Variants in IMMP2L observed in about 807,000 individuals in gnomAD.
IMMP2L encodes inner mitochondrial membrane peptidase subunit 2.
Under a neutral mutation model 19.3 loss-of-function variants are expected in IMMP2L, and 18 were observed. That is an observed-to-expected ratio of 0.93 (90% CI 0.64 to 1.38). The LOEUF (loss-of-function observed/expected upper bound fraction) is 1.38, where lower values mean the gene tolerates loss of function less well. IMMP2L is among the 40% of genes most tolerant of loss of function. The pLI is 0.00. For missense variants in IMMP2L, 233 were observed against 218.2 expected (o/e 1.07, Z -0.43); for synonymous variants, 76 against 73.0 (o/e 1.04, Z -0.21).
rs10278402 is a variant in IMMP2L at position 110,920,051 on chromosome 7, A to G, written c.306-33356T>C. Among the ~76,000 whole-genome samples, 1,490 of 152,222 alleles carry G rather than the reference A, an allele frequency of 9.8e-3. 21 individuals are homozygous for G. Among genetic ancestry groups the G allele is most frequent in the African/African-American group, 0.033 (1,377 of 41,532 alleles). On this transcript the variant is annotated intron_variant, in intron 4 of 5. Coordinates refer to ENST00000405709, the MANE Select transcript of IMMP2L (RefSeq NM_032549.4). ...TCAGCTCTTGGACTCTTGGACTTAC[A>G]TCAGTGATTTGCCAGGGGCTCTTGG...
chr7:111,271,889 G>A (rs1818511115), intron 3 of IMMP2L, among the ~76,000 whole-genome samples: 1 of 152,006 alleles, frequency 6.6e-6, no homozygotes, highest in South Asian at 2.1e-4. Context: ...TCTCTCTCTG[G>A]TCACATTCTA....
intron 3 of IMMP2L, among the ~76,000 whole-genome samples, chr7:111,322,137 A>C (rs1212662926): frequency 6.6e-6 from 1 of 151,954 alleles, no homozygotes; most frequent in African/African-American, 2.4e-5. Context: ...GTAAGATAAC[A>C]GCTTTGAATT....
At chr7:111,162,500 T>G (rs919272003) in intron 3 of IMMP2L, among the ~76,000 whole-genome samples, 2 of 152,066 alleles carry the variant, frequency 1.3e-5, no homozygotes, top group Admixed American at 1.3e-4. Context: ...ACTACAGTCA[T>G]CAAATGTAGT....
At chr7:111,066,504 A>G (rs1794515358) in intron 3 of IMMP2L, among the ~76,000 whole-genome samples, 1 of 152,216 alleles carries the variant, frequency 6.6e-6, no homozygotes, top group Non-Finnish European at 1.5e-5. Context: ...TCAGAAGATA[A>G]CGTTTAAAAT....
chr7:111,304,931 G>A (rs918274339), intron 3 of IMMP2L, among the ~76,000 whole-genome samples: 1 of 151,876 alleles, frequency 6.6e-6, no homozygotes, highest in Non-Finnish European at 1.5e-5. Context: ...GGAAAGTCTC[G>A]GAAATAAGAA....
At chr7:110,881,706 G>A (rs1463508924) in intron 5 of IMMP2L, among the ~76,000 whole-genome samples, 3 of 152,008 alleles carry the variant, frequency 2.0e-5, no homozygotes, top group Admixed American at 6.6e-5. Flanking sequence ...GCTACAATTC[G>A]ACAATAAAAA....
At chr7:111,037,951 G>C (rs1435059438) in intron 3 of IMMP2L, among the ~76,000 whole-genome samples, 1 of 152,068 alleles carries the variant, frequency 6.6e-6, no homozygotes, top group Non-Finnish European at 1.5e-5. Flanking sequence ...ATATCTTAAA[G>C]TTCTCATCCT....
rs114143109 is a variant in IMMP2L at position 110,862,000 on chromosome 7, A to G, written c.408+24593T>C. Among the ~76,000 whole-genome samples, 739 of 152,206 alleles carry G rather than the reference A, an allele frequency of 4.9e-3. 8 individuals carry two copies. The highest frequency in any genetic ancestry group is 0.017 in the African/African-American group (703 of 41,576). On this transcript the variant is annotated intron_variant, in intron 5 of 5. Transcript: ENST00000405709. ...GACCTGCATGGTTTATTTATAAAAT[A>G]TATATTTTAAGTGACTAATATGTAC...
At position 111,524,575 on chromosome 7, in the gene IMMP2L, T is replaced by C. The variant is rs552628604; in HGVS notation, c.-2-3126A>G. ...GACTCAGACCTCCAAAATCAAACAC[T>C]TCAGGTGATTCCCTTAATAGAGCAA... On this transcript the variant is annotated intron_variant, in intron 1 of 5. Coordinates refer to ENST00000405709, the MANE Select transcript of IMMP2L (RefSeq NM_032549.4). Among the ~76,000 whole-genome samples the C allele has an allele frequency of 3.2e-4, 49 of 152,216 alleles. No homozygotes were observed. In the South Asian group the frequency reaches 7.9e-3, roughly 25 times the overall value.
Position 111,103,256 on chromosome 7 carries a change from C to T in IMMP2L, c.240-139691G>A, listed in dbSNP as rs142622646. 9.2e-4 allele frequency among the ~76,000 whole-genome samples: 139 copies of T among 151,678 alleles called. 2 individuals are homozygous for T. In the East Asian group the frequency reaches 0.021, roughly 23 times the overall value. On this transcript the variant is annotated intron_variant, in intron 3 of 5. Transcript: ENST00000405709. ...AGATTTATGGTTAATAATTGTACTT[C>T]TTTATCTCTATCTATTCCGTTGCCA...
intron 3 of IMMP2L, among the ~76,000 whole-genome samples, chr7:111,006,847 T>G (rs1005360433): frequency 1.6e-4 from 25 of 152,312 alleles, no homozygotes; most frequent in African/African-American, 5.8e-4. Context: ...TTTCCATCAC[T>G]GACTTCATCA....
At chr7:111,030,882 GTGTATATATATA>G (rs1175639388) in intron 3 of IMMP2L, among the ~76,000 whole-genome samples, 655 of 50,714 alleles carry the variant, frequency 0.013, 5 homozygotes, top group East Asian at 0.031. Flanking sequence ...GTGTGTGTGT[GTGTATATATATA>G]TATATATATA....
chr7:110,817,920 C>T (rs2131313701), intron 5 of IMMP2L, among the ~76,000 whole-genome samples: 1 of 152,210 alleles, frequency 6.6e-6, no homozygotes, highest in South Asian at 2.1e-4. Context: ...ATGTAGAAAG[C>T]TGAAACTGGA....
chr7:110,696,587 C>T (rs771059338), intron 5 of IMMP2L, among the ~76,000 whole-genome samples: 6 of 152,010 alleles, frequency 3.9e-5, no homozygotes, highest in East Asian at 1.9e-4. Flanking sequence ...CCACCATGCC[C>T]GGCTGATTTT....
chr7:110,912,170 G>A (rs945293251), intron 4 of IMMP2L, among the ~76,000 whole-genome samples: 1 of 151,986 alleles, frequency 6.6e-6, no homozygotes, highest in Non-Finnish European at 1.5e-5. Flanking sequence ...ATGAAAGAAG[G>A]CGAGTTATCT....
intron 3 of IMMP2L, among the ~76,000 whole-genome samples, chr7:111,109,748 T>C (rs1798973380): frequency 1.3e-5 from 2 of 152,232 alleles, no homozygotes; most frequent in South Asian, 4.1e-4. Context: ...TTGTACATTG[T>C]AGCACAATAT....
intron 4 of IMMP2L, among the ~76,000 whole-genome samples, chr7:110,887,761 T>C (rs1456911636): frequency 1.3e-5 from 2 of 151,764 alleles, no homozygotes; most frequent in East Asian, 3.9e-4. Flanking sequence ...TTCTCTCTTT[T>C]ATCCCCTAAA....
intron 4 of IMMP2L, among the ~76,000 whole-genome samples, chr7:110,958,532 T>C (rs1158440067): frequency 3.3e-5 from 5 of 152,052 alleles, no homozygotes; most frequent in Non-Finnish European, 7.4e-5. Flanking sequence ...TTTTTAAAGG[T>C]AATGCTGAGC....
At chr7:111,475,452 T>C (rs957259754) in intron 3 of IMMP2L, among the ~76,000 whole-genome samples, 1 of 152,118 alleles carries the variant, frequency 6.6e-6, no homozygotes, top group Non-Finnish European at 1.5e-5. Flanking sequence ...AGGTATCTAC[T>C]GACCTTGGAT....
Sources: allele counts gnomAD v4.1 joint callset (sites outside exome capture counted in the v4.1 genomes callset), GRCh38; gene constraint gnomAD v4.1.1; transcripts MANE v1.5; gene names NCBI Gene and HGNC (gene_info 2026-07-23, HGNC 2026-07-21).